Variants in ARID3A observed in about 807,000 individuals in gnomAD.
The protein encoded by ARID3A is AT-rich interactive domain-containing protein 3A.
Under a neutral mutation model 52.7 loss-of-function variants are expected in ARID3A, and 11 were observed. The observed-to-expected ratio is 0.21, with a 90% confidence interval of 0.13 to 0.35. ARID3A has a LOEUF of 0.35. Ranked by LOEUF, ARID3A falls within the 10% of genes least tolerant of loss-of-function variation. The pLI is 1.00. For missense variants in ARID3A, 721 were observed against 838.5 expected, an observed-to-expected ratio of 0.86 and a Z score of 1.73; for synonymous variants, 404 against 359.4, an observed-to-expected ratio of 1.12 and a Z score of -1.40.
chr19:929,363 G>GCGCCCCCC lies in ARID3A; in HGVS notation c.-165_-164insGCCCCCCC. The GCGCCCCCC allele has an allele frequency of 3.9e-6, 1 of 259,262 alleles. No homozygotes were observed. The highest frequency in any genetic ancestry group is 6.6e-6 in the Non-Finnish European group (1 of 151,228). The allele number at this position is 259,262 out of a possible 1,614,324, so 16.1% of individuals were successfully genotyped here. On this transcript the variant is annotated 5_prime_UTR_variant, in exon 2 of 9. Transcript: ENST00000263620. This position sits in a 1 kb window ranked among gnomAD's most constrained non-coding sequence, Gnocchi z 6.2. ...ATCAGCCTTCAGCTTGAGCCCGGCG[G>GCGCCCCCC]CCCCCGCCCCCGCCCCCTGCCACCC... is the stretch of plus-strand genomic sequence containing the variant.
At chr19:926,387 TCACTCC>T (rs2037199000) in intron 1 of ARID3A, among the ~76,000 whole-genome samples, 2 of 151,408 alleles carry the variant, frequency 1.3e-5, no homozygotes, top group African/African-American at 4.9e-5. Context: ...CTTGGAGACT[TCACTCC>T]CCACTGGATC....
At chr19:927,519 G>C (rs1020816678) in intron 1 of ARID3A, among the ~76,000 whole-genome samples, 1 of 151,992 alleles carries the variant, frequency 6.6e-6, no homozygotes. Flanking sequence ...GCGGGCTGGT[G>C]GGGGGAGTGG....
Position 964,396 on chromosome 19 carries a change from G to A in ARID3A, c.915G>A (p.Thr305=), listed in dbSNP as rs777080552. The change falls in exon 5 of 9, where the codon ACG becomes ACA. Residue 305 remains threonine, a synonymous_variant. Transcript: ENST00000263620. This position sits in a 1 kb window ranked among gnomAD's most constrained non-coding sequence, Gnocchi z 5.7. ...REITKGLNLP[T]SITSAAFTLR... ...TCACCAAGGGCCTCAACCTGCCCAC[G>A]TCCATCACCAGTGCAGCCTTCACCC... The A allele has an allele frequency of 5.4e-5, 87 of 1,610,086 alleles. No individual in the cohort carries two copies. The highest frequency in any genetic ancestry group is 4.9e-4 in the Middle Eastern group (3 of 6,068).
intron 3 of ARID3A, among the ~76,000 whole-genome samples, chr19:949,356 C>T (rs990022414): frequency 2.6e-5 from 4 of 151,984 alleles, no homozygotes; most frequent in Admixed American, 6.5e-5. Context: ...TGCCCCGGGC[C>T]TCCGCCGTGC....
At position 942,646 on chromosome 19, in the gene ARID3A, A is replaced by C. The variant is rs1426212191; in HGVS notation, c.693+9904A>C. Among the ~76,000 whole-genome samples, 1 of 152,048 alleles carries C rather than the reference A, an allele frequency of 6.6e-6. No individual in the cohort carries two copies. ...AGGTGGGTGGGCAGGGAGTAGGTGG[A>C]GGCCGCCCCTCCCACTGCCCCGCAG... On this transcript the variant is annotated intron_variant, in intron 3 of 8. Transcript: ENST00000263620. This position sits in a 1 kb window ranked among gnomAD's most constrained non-coding sequence, Gnocchi z 8.1.
intron 3 of ARID3A, among the ~76,000 whole-genome samples, chr19:955,484 C>A (rs1257952871): frequency 6.6e-6 from 1 of 152,204 alleles, no homozygotes; most frequent in Non-Finnish European, 1.5e-5. Flanking sequence ...CACCATTTGG[C>A]CTGGGAGTTA....
Position 974,211 on chromosome 19 carries a change from G to C in ARID3A, c.*2146G>C, listed in dbSNP as rs1568379046. The C allele has an allele frequency of 4.4e-6, 1 of 225,778 alleles. No homozygotes were observed. Among genetic ancestry groups the C allele is most frequent in the African/African-American group, 2.2e-5 (1 of 44,810 alleles). The allele number at this position is 225,778 out of a possible 1,614,324, so 14.0% of individuals were successfully genotyped here. Reference sequence around the variant, plus strand: ...TCCCGTCGGGCTGTGGGAGGGGACTGTCACTTTCCTGTGTCTTTGGGGAGG... The same window carrying C: ...TCCCGTCGGGCTGTGGGAGGGGACTCTCACTTTCCTGTGTCTTTGGGGAGG... On this transcript the variant is annotated 3_prime_UTR_variant, in exon 9 of 9. Transcript: ENST00000263620.
intron 4 of ARID3A, among the ~76,000 whole-genome samples, chr19:962,470 G>C (rs1323489277): frequency 6.8e-6 from 1 of 147,714 alleles, no homozygotes; most frequent in Non-Finnish European, 1.5e-5. Flanking sequence ...GCCCACTGCA[G>C]AGCCAGGGCG....
At chr19:969,977 A>G (rs1292258018) in intron 8 of ARID3A, among the ~76,000 whole-genome samples, 2 of 151,856 alleles carry the variant, frequency 1.3e-5, no homozygotes, top group Non-Finnish European at 2.9e-5. Flanking sequence ...ACAGGCATGA[A>G]CCACCGCGCC....
In ARID3A at chr19:938,685, G is replaced by A. The variant is rs192495887; in HGVS notation, c.693+5943G>A. On this transcript the variant is annotated intron_variant, in intron 3 of 8. Transcript: ENST00000263620. This position sits in a 1 kb window ranked among gnomAD's most constrained non-coding sequence, Gnocchi z 4.0. ...AGGCCTCCGGGCCTGACAGCTGGGC[G>A]TGTGTGGGCACTGGGGCAGGGACGG... Among the ~76,000 whole-genome samples the A allele has an allele frequency of 5.7e-4, 87 of 152,278 alleles. 1 individual carries two copies. In the South Asian group the frequency reaches 7.9e-3, roughly 14 times the overall value.
intron 3 of ARID3A, among the ~76,000 whole-genome samples, chr19:952,016 C>T (rs1223771138): frequency 6.6e-6 from 1 of 152,062 alleles, no homozygotes; most frequent in Non-Finnish European, 1.5e-5. Flanking sequence ...TGGCACGTGC[C>T]GGTAATCCCA....
Position 969,398 on chromosome 19 carries a change from G to A in ARID3A, c.1594+895G>A, listed in dbSNP as rs140577677. 9.8e-3 allele frequency among the ~76,000 whole-genome samples: 1,492 copies of A among 151,730 alleles called. 71 individuals carry two copies. The highest frequency in any genetic ancestry group is 0.082 in the Admixed American group (1,251 of 15,196). On this transcript the variant is annotated intron_variant, in intron 8 of 8. Transcript: ENST00000263620. ...CTAAAAATATAAAAATCAGCAGGGC[G>A]TGGTGGCAGGCGCCCATAGTCCCAG...
intron 3 of ARID3A, among the ~76,000 whole-genome samples, chr19:957,534 G>A (rs1421356837): frequency 6.6e-6 from 1 of 152,196 alleles, no homozygotes; most frequent in African/African-American, 2.4e-5. Flanking sequence ...ACTGTCCTAG[G>A]GTAAATTGTG....
At chr19:933,832 C>T (rs904342156) in intron 3 of ARID3A, among the ~76,000 whole-genome samples, 3 of 84,224 alleles carry the variant, frequency 3.6e-5, no homozygotes, top group South Asian at 4.6e-4. Flanking sequence ...GCCAGGGCAG[C>T]GGCGGGGACT....
Position 960,625 on chromosome 19 carries a change from T to C in ARID3A, c.766+461T>C, listed in dbSNP as rs912524184. Among the ~76,000 whole-genome samples the C allele has an allele frequency of 6.6e-6, 1 of 152,018 alleles. No homozygotes were observed. The highest frequency in any genetic ancestry group is 1.5e-5 in the Non-Finnish European group (1 of 67,964). ...GATGGCTTAGAGTCTAATGATCTCA[T>C]GGCGGCCAATGCGACATTTGAGTCC... is the stretch of plus-strand genomic sequence containing the variant. On this transcript the variant is annotated intron_variant, in intron 4 of 8. Coordinates refer to ENST00000263620, the MANE Select transcript of ARID3A (RefSeq NM_005224.3). This position sits in a 1 kb window ranked among gnomAD's most constrained non-coding sequence, Gnocchi z 4.3.
rs1390824166 is a variant in ARID3A at position 926,067 on chromosome 19, GGCGC to G, written c.-268+12_-268+15del. 6.7e-6 allele frequency: 1 copy of G among 148,626 alleles called. No homozygotes were observed. The highest frequency in any genetic ancestry group is 1.5e-5 in the Non-Finnish European group (1 of 66,572). The allele number at this position is 148,626 out of a possible 1,614,324, so 9.2% of individuals were successfully genotyped here. A position where few individuals can be genotyped will look rare whatever the true frequency, so the allele number is the denominator to read the frequency against. On this transcript the variant is annotated intron_variant, in intron 1 of 8. Transcript: ENST00000263620. The stretch of plus-strand genomic sequence containing the variant: ...GACGCGGCTGGCGGCTCGGTGAGTC[GGCGC>G]GCGGCACAGCCCCGTGGGTCGGGGG...
intron 3 of ARID3A, among the ~76,000 whole-genome samples, chr19:952,429 G>A (rs349309): frequency 0.78 from 103,632 of 132,278 alleles, 40,867 homozygotes; most frequent in Middle Eastern, 0.9. Context: ...GCCACAGAGC[G>A]AGACCCTGTC....
intron 3 of ARID3A, among the ~76,000 whole-genome samples, chr19:933,751 A>AC (rs1175718629): frequency 4.7e-5 from 7 of 149,848 alleles, no homozygotes; most frequent in Non-Finnish European, 7.4e-5. Context: ...CCCTCAAGAG[A>AC]CTTAAGGTTG....
At chr19:936,451 G>A (rs1050545882) in intron 3 of ARID3A, among the ~76,000 whole-genome samples, 1 of 152,150 alleles carries the variant, frequency 6.6e-6, no homozygotes, top group Non-Finnish European at 1.5e-5. Flanking sequence ...CCCTGAGGTG[G>A]GAGGATCCCT....
Sources: allele counts gnomAD v4.1 joint callset (sites outside exome capture counted in the v4.1 genomes callset), GRCh38; gene constraint gnomAD v4.1.1; non-coding constraint Gnocchi (gnomAD v3.1); transcripts MANE v1.5; gene names NCBI Gene and HGNC (gene_info 2026-07-23, HGNC 2026-07-21).